The following SNX29 variants were observed in gnomAD, a reference collection of about 807,000 sequenced individuals.
SNX29 encodes the protein sorting nexin 29, also known as sorting nexin-29.
SNX29 carries 78 observed loss-of-function variants against 102.1 expected under a neutral mutation model. The observed-to-expected ratio is 0.76, with a 90% CI of 0.64 to 0.92. SNX29 has a LOEUF of 0.92. Ranked by LOEUF, SNX29 falls within the 40% of genes least tolerant of loss-of-function variation. The probability of loss-of-function intolerance (pLI) is 0.00; values close to 1 mark genes in which losing one functional copy is unlikely to be tolerated. For synonymous variants in SNX29, 580 were observed against 414.5 expected, an observed-to-expected ratio of 1.40 and a Z score of -4.85; for missense variants, 1,280 against 1,061.7, an observed-to-expected ratio of 1.21 and a Z score of -2.86.
rs984351989 is a variant in SNX29 at position 12,573,218 on chromosome 16, C to CA, written c.*4590dup. ...CCGGCTCTAGGCAGACCGGATCCCG[C>CA]AGTTCATCCCATGGTTGTTGAAATG... On this transcript the variant is annotated 3_prime_UTR_variant, in exon 21 of 21. Transcript: ENST00000566228. 2.2e-5 allele frequency: 5 copies of CA among 227,196 alleles called. No individual in the cohort carries two copies. The highest frequency in any genetic ancestry group is 1.1e-4 in the African/African-American group (5 of 45,128). The allele number at this position is 227,196 out of a possible 1,614,324, so 14.1% of individuals were successfully genotyped here.
At chr16:12,110,132 C>T (rs560625093) in intron 11 of SNX29, among the ~76,000 whole-genome samples, 8 of 152,264 alleles carry the variant, frequency 5.3e-5, no homozygotes, top group Admixed American at 3.3e-4. Flanking sequence ...GGATGCTGAG[C>T]TTGCGGGGAG....
intron 18 of SNX29, among the ~76,000 whole-genome samples, chr16:12,449,960 C>T (rs73521944): frequency 0.024 from 3,639 of 152,232 alleles, 63 homozygotes; most frequent in East Asian, 0.046. Flanking sequence ...GGGAGGGACC[C>T]GGTGGGAGAC....
At chr16:12,172,584 C>T (rs907801926) in intron 13 of SNX29, among the ~76,000 whole-genome samples, 1 of 152,202 alleles carries the variant, frequency 6.6e-6, no homozygotes, top group African/African-American at 2.4e-5. Flanking sequence ...ATAATATTCT[C>T]TTCCTTTCAG....
chr16:12,163,108 C>T (rs2055859277), intron 13 of SNX29, among the ~76,000 whole-genome samples: 1 of 152,170 alleles, frequency 6.6e-6, no homozygotes. Flanking sequence ...TCTCGAACTC[C>T]TGACCTCAGG....
chr16:12,227,194 C>A (rs1454081550), intron 14 of SNX29, among the ~76,000 whole-genome samples: 1 of 152,116 alleles, frequency 6.6e-6, no homozygotes, highest in East Asian at 1.9e-4. Flanking sequence ...CTTCCTTTCT[C>A]CCCATTTTAC....
intron 20 of SNX29, among the ~76,000 whole-genome samples, chr16:12,564,177 C>T (rs1353689485): frequency 1.3e-5 from 2 of 151,978 alleles, no homozygotes; most frequent in Admixed American, 6.6e-5. Flanking sequence ...TGCTTGAGTT[C>T]AGGAGTTTGA....
intron 20 of SNX29, among the ~76,000 whole-genome samples, chr16:12,567,008 T>C (rs2079039171): frequency 6.6e-6 from 1 of 152,224 alleles, no homozygotes; most frequent in Non-Finnish European, 1.5e-5. Context: ...CAACGCAAAG[T>C]AGATCATTGT....
chr16:12,554,138 G>A (rs375396157), intron 20 of SNX29, among the ~76,000 whole-genome samples: 3 of 152,306 alleles, frequency 2.0e-5, no homozygotes, highest in South Asian at 2.1e-4. Context: ...TGGATGCTTT[G>A]CTCTTTACTG....
intron 15 of SNX29, among the ~76,000 whole-genome samples, chr16:12,327,417 G>C (rs2081151550): frequency 6.6e-6 from 1 of 152,038 alleles, no homozygotes. Flanking sequence ...GGAAGGCTGA[G>C]ATCAAGGTGT....
At chr16:12,495,812 G>C (rs1312220199) in intron 19 of SNX29, among the ~76,000 whole-genome samples, 1 of 152,152 alleles carries the variant, frequency 6.6e-6, no homozygotes, top group Non-Finnish European at 1.5e-5. Flanking sequence ...CCAGCACTTT[G>C]GGAGACCAAG....
In SNX29 at chr16:12,096,380, G is replaced by A. The variant is rs1464510554; in HGVS notation, c.1402+17465G>A. On this transcript the variant is annotated intron_variant, in intron 11 of 20. Coordinates refer to ENST00000566228, the MANE Select transcript of SNX29 (RefSeq NM_032167.5). This position sits in a 1 kb window ranked among gnomAD's most constrained non-coding sequence, Gnocchi z 4.2. ...TGGGCGCAGTTCTAGGTGCTGAGGA[G>A]CCAGAGGTGGGGATCCAGCTTGGCC... 1.3e-5 allele frequency among the ~76,000 whole-genome samples: 2 copies of A among 152,224 alleles called. No individual in the cohort carries two copies. Among genetic ancestry groups the A allele is most frequent in the Non-Finnish European group, 2.9e-5 (2 of 68,038 alleles).
intron 20 of SNX29, among the ~76,000 whole-genome samples, chr16:12,542,185 C>T (rs918468361): frequency 6.6e-6 from 1 of 152,184 alleles, no homozygotes; most frequent in Non-Finnish European, 1.5e-5. Flanking sequence ...TGTGCTAAGC[C>T]TTTTCCACAC....
At chr16:12,073,432 C>T (rs1468516486) in intron 10 of SNX29, among the ~76,000 whole-genome samples, 1 of 152,224 alleles carries the variant, frequency 6.6e-6, no homozygotes, top group East Asian at 1.9e-4. Context: ...GTTATGTACC[C>T]AGTAGTCATT....
chr16:12,484,674 G>C (rs781577598), intron 19 of SNX29, among the ~76,000 whole-genome samples: 6 of 151,994 alleles, frequency 3.9e-5, no homozygotes, highest in Non-Finnish European at 8.8e-5. Context: ...CCCTGTACCT[G>C]GAATGGCCAT....
At chr16:12,158,349 G>A (rs950179045) in intron 13 of SNX29, among the ~76,000 whole-genome samples, 8 of 151,992 alleles carry the variant, frequency 5.3e-5, no homozygotes, top group East Asian at 1.9e-4. Context: ...ACAGACGTGC[G>A]CCACCACACC....
chr16:12,108,630 G>C (rs1567213182), intron 11 of SNX29, among the ~76,000 whole-genome samples: 1 of 152,150 alleles, frequency 6.6e-6, no homozygotes, highest in Non-Finnish European at 1.5e-5. Flanking sequence ...CCTGTGAGTT[G>C]AGTGATCATG....
intron 15 of SNX29, among the ~76,000 whole-genome samples, chr16:12,334,395 A>G (rs1467227436): frequency 2.0e-5 from 3 of 152,044 alleles, no homozygotes; most frequent in Non-Finnish European, 2.9e-5. Context: ...CACCTTGGGG[A>G]AAAAAATCAT....
intron 16 of SNX29, among the ~76,000 whole-genome samples, chr16:12,382,290 T>C (rs897390204): frequency 1.3e-5 from 2 of 152,168 alleles, no homozygotes; most frequent in African/African-American, 4.8e-5. Context: ...GGTGCTTTTG[T>C]TAAGATAGCA....
intron 1 of SNX29, among the ~76,000 whole-genome samples, chr16:11,993,949 C>T (rs545178804): frequency 3.3e-5 from 5 of 152,058 alleles, no homozygotes; most frequent in African/African-American, 7.2e-5. Flanking sequence ...GGTGAAATCC[C>T]GTCTCTACTA....
Sources: allele counts gnomAD v4.1 joint callset (sites outside exome capture counted in the v4.1 genomes callset), GRCh38; gene constraint gnomAD v4.1.1; non-coding constraint Gnocchi (gnomAD v3.1); transcripts MANE v1.5; gene names NCBI Gene and HGNC (gene_info 2026-07-23, HGNC 2026-07-21).